Variants in PCDHA3 observed in about 807,000 individuals in gnomAD.
PCDHA3 encodes protocadherin alpha 3.
Under a neutral mutation model 62.2 loss-of-function variants are expected in PCDHA3, and 41 were observed. That is an observed-to-expected ratio of 0.66 (90% CI 0.51 to 0.86). The LOEUF is 0.86. PCDHA3 is among the 40% of genes least tolerant of loss of function. The pLI, the probability that PCDHA3 is intolerant of heterozygous loss-of-function variation, is 0.00. For synonymous variants in PCDHA3, 640 were observed against 555.4 expected (o/e 1.15, Z -2.14); for missense variants, 1,304 against 1,241.2 (o/e 1.05, Z -0.76).
chr5:140,928,522 T>G lies in PCDHA3; in HGVS notation c.2395-50427T>G, dbSNP rs373009645. The G allele has an allele frequency of 4.3e-6, 7 of 1,614,150 alleles. No homozygotes were observed. Among genetic ancestry groups the G allele is most frequent in the African/African-American group, 1.3e-5 (1 of 75,032 alleles). On this transcript the variant is annotated intron_variant, in intron 1 of 3. Coordinates refer to ENST00000522353, the MANE Select transcript of PCDHA3 (RefSeq NM_018906.3). ...AAGTGCAACAGTGACTATAAACTTG[T>G]TTGTGGTAGATAGGAATGACAATTA...
intron 1 of PCDHA3, among the ~76,000 whole-genome samples, chr5:140,898,221 T>C (rs1238265746): frequency 6.6e-6 from 1 of 152,230 alleles, no homozygotes; most frequent in South Asian, 2.1e-4. Flanking sequence ...ATTTTGGCTT[T>C]TGTTGCCATT....
At position 140,927,544 on chromosome 5, in the gene PCDHA3, C is replaced by G. The variant is rs1442526060; in HGVS notation, c.2395-51405C>G. 2.5e-6 allele frequency: 4 copies of G among 1,614,034 alleles called. No homozygotes were observed. The East Asian group carries it at 6.7e-5, about 27-fold the overall frequency. ...GCTACCTGCCCGCTCAGGAGACGCA[C>G]AAGTCACCATCATTGTGGTGGACAC... On this transcript the variant is annotated intron_variant, in intron 1 of 3. Transcript: ENST00000522353.
intron 1 of PCDHA3, chr5:140,867,287 A>T (rs1264218929): frequency 1.3e-5 from 2 of 152,110 alleles, no homozygotes; most frequent in African/African-American, 2.4e-5. Context: ...ATGTGCTTCA[A>T]ATATCATGTT....
chr5:140,964,759 G>T (rs1419505922), intron 1 of PCDHA3, among the ~76,000 whole-genome samples: 6 of 151,804 alleles, frequency 4.0e-5, no homozygotes, highest in Non-Finnish European at 7.4e-5. Context: ...GATGTTTGGG[G>T]AGGATGCAGA....
chr5:140,834,402 T>A (rs2150216661), intron 1 of PCDHA3: 1 of 1,606,068 alleles, frequency 6.2e-7, no homozygotes, highest in Non-Finnish European at 8.5e-7. Context: ...CCCGAATGGA[T>A]ACGACCCAGG....
At chr5:141,000,405 A>ATG (rs2097918195) in intron 3 of PCDHA3, among the ~76,000 whole-genome samples, 3 of 88,878 alleles carry the variant, frequency 3.4e-5, no homozygotes, top group African/African-American at 1.4e-4. Flanking sequence ...CTATATATAT[A>ATG]TATATATATA....
At chr5:140,928,576 A>G in intron 1 of PCDHA3, 1 of 1,614,160 alleles carries the variant, frequency 6.2e-7, no homozygotes, top group South Asian at 1.1e-5. Flanking sequence ...CTTGCCCAGA[A>G]ATGGTTCTGT....
chr5:140,953,851 GC>G (rs1458424600), intron 1 of PCDHA3, among the ~76,000 whole-genome samples: 6 of 152,108 alleles, frequency 3.9e-5, no homozygotes, highest in African/African-American at 1.2e-4. Context: ...GTAAACATGT[GC>G]CATGGTGGTT....
intron 1 of PCDHA3, chr5:140,825,001 T>A (rs2150137915): frequency 6.6e-6 from 1 of 152,108 alleles, no homozygotes; most frequent in Non-Finnish European, 1.5e-5. Context: ...TATACATGGT[T>A]TACTGTTCTA....
intron 1 of PCDHA3, chr5:140,830,262 C>T (rs151257683): frequency 1.2e-6 from 2 of 1,613,546 alleles, no homozygotes; most frequent in Admixed American, 1.7e-5. Context: ...CTGCGGTGCT[C>T]GGCGCCACCC....
intron 3 of PCDHA3, among the ~76,000 whole-genome samples, chr5:141,005,701 CAAAAAAA>C (rs59860837): frequency 1.3e-4 from 1 of 7,786 alleles, no homozygotes; most frequent in African/African-American, 4.7e-4. Context: ...AACTCCGTCT[CAAAAAAA>C]AAAAAAAAAA....
chr5:140,851,303 G>A (rs2042020475), intron 1 of PCDHA3: 2 of 1,012,372 alleles, frequency 2.0e-6, no homozygotes. Context: ...AAAATATATA[G>A]CAATTGTTAC....
At chr5:140,909,851 G>A (rs555110598) in intron 1 of PCDHA3, among the ~76,000 whole-genome samples, 17 of 152,228 alleles carry the variant, frequency 1.1e-4, no homozygotes, top group East Asian at 3.9e-4. Flanking sequence ...GGACGTTTTC[G>A]GTCCCCTGGA....
intron 1 of PCDHA3, among the ~76,000 whole-genome samples, chr5:140,946,990 C>T (rs181802680): frequency 2.6e-5 from 4 of 151,580 alleles, no homozygotes; most frequent in African/African-American, 9.7e-5. Context: ...TTTGAGTGTT[C>T]TAACTTCAAA....
chr5:140,884,285 G>A, intron 1 of PCDHA3: 1 of 1,613,598 alleles, frequency 6.2e-7, no homozygotes. Flanking sequence ...GGTGGAGAGC[G>A]GCCAAGCGCC....
chr5:140,920,632 T>C (rs1054888668), intron 1 of PCDHA3, among the ~76,000 whole-genome samples: 2 of 152,018 alleles, frequency 1.3e-5, no homozygotes, highest in Non-Finnish European at 2.9e-5. Context: ...GATCACAAGG[T>C]CAAGAGATTG....
chr5:140,982,014 C>G lies in PCDHA3; in HGVS notation c.2454-461C>G, dbSNP rs546904836. Among the ~76,000 whole-genome samples the G allele has an allele frequency of 3.3e-5, 5 of 152,270 alleles. No individual in the cohort carries two copies. The South Asian group carries it at 1.0e-3, about 32-fold the overall frequency. ...ATAAGGTTAAGAATTAATTAGATAG[C>G]CAAATTGGAACAATACTCCAATTAT... is the stretch of plus-strand genomic sequence containing the variant. On this transcript the variant is annotated intron_variant, in intron 2 of 3. Coordinates refer to ENST00000522353, the MANE Select transcript of PCDHA3 (RefSeq NM_018906.3).
intron 1 of PCDHA3, among the ~76,000 whole-genome samples, chr5:140,903,300 T>C (rs1368072567): frequency 6.6e-6 from 1 of 152,184 alleles, no homozygotes; most frequent in Non-Finnish European, 1.5e-5. Context: ...GGAAATTTAG[T>C]ATACAATAAA....
chr5:140,856,296 T>G, intron 1 of PCDHA3: 1 of 1,598,576 alleles, frequency 6.3e-7, no homozygotes, highest in Non-Finnish European at 8.6e-7. Flanking sequence ...AATGGCATTT[T>G]GTTTGTGAAT....
Sources: allele counts gnomAD v4.1 joint callset (sites outside exome capture counted in the v4.1 genomes callset), GRCh38; gene constraint gnomAD v4.1.1; transcripts MANE v1.5; gene names NCBI Gene and HGNC (gene_info 2026-07-23, HGNC 2026-07-21).